Variants in RORA observed in about 807,000 individuals in gnomAD.
RORA encodes nuclear receptor ROR-alpha.
A neutral mutation model predicts 69.5 loss-of-function variants in RORA; 7 were observed. That is an observed-to-expected ratio of 0.10 (90% CI 0.06 to 0.19). RORA has a LOEUF of 0.19. Ranked by LOEUF, RORA falls within the 10% of genes least tolerant of loss-of-function variation. RORA has a pLI of 1.00. For missense variants in RORA, 457 were observed against 663.0 expected (o/e 0.69, Z 3.41); for synonymous variants, 261 against 240.8 (o/e 1.08, Z -0.78).
chr15:61,218,228 AAT>A lies in RORA; in HGVS notation c.166+10823_166+10824del, dbSNP rs1406292947. On this transcript the variant is annotated intron_variant, in intron 1 of 10. Transcript: ENST00000335670. ...GTGTGTACTAGTTCACAATGTAATTAATATGTTTTTCTCATTGTGGATCACGG... is the reference window on the plus strand; with the variant it reads ...GTGTGTACTAGTTCACAATGTAATTAATGTTTTTCTCATTGTGGATCACGG... Among the ~76,000 whole-genome samples, 5 of 150,334 alleles carry A rather than the reference AAT, an allele frequency of 3.3e-5. No individual in the cohort carries two copies. The East Asian group carries it at 9.8e-4, about 29-fold the overall frequency.
chr15:61,042,749 G>A (rs1896842396), intron 1 of RORA, among the ~76,000 whole-genome samples: 1 of 152,158 alleles, frequency 6.6e-6, no homozygotes, highest in Non-Finnish European at 1.5e-5. Context: ...TGCTTCTTTG[G>A]GAATTGCCAG....
rs1401449087 is a variant in RORA, at chr15:60,537,933, A to G, written c.197-6082T>C. 6.6e-6 allele frequency among the ~76,000 whole-genome samples: 1 copy of G among 152,138 alleles called. No individual in the cohort carries two copies. Among genetic ancestry groups the G allele is most frequent in the African/African-American group, 2.4e-5 (1 of 41,414 alleles). Reference sequence around the variant, plus strand: ...AATGCCTGAGTTTTTGCAGAATTCTATATAGTTTTCAAAGTTTTTATCCTT... The same window carrying G: ...AATGCCTGAGTTTTTGCAGAATTCTGTATAGTTTTCAAAGTTTTTATCCTT... On this transcript the variant is annotated intron_variant, in intron 2 of 10. Transcript: ENST00000335670. The surrounding 1 kb of genome is among the most constrained non-coding windows in gnomAD (Gnocchi z 4.9).
intron 1 of RORA, among the ~76,000 whole-genome samples, chr15:60,947,842 T>G (rs1452436467): frequency 6.6e-6 from 1 of 151,434 alleles, no homozygotes; most frequent in African/African-American, 2.4e-5. Context: ...TTGGGAAGAG[T>G]TGCAGCAGTA....
intron 1 of RORA, among the ~76,000 whole-genome samples, chr15:60,828,033 T>G (rs1471378084): frequency 1.3e-5 from 2 of 152,188 alleles, no homozygotes; most frequent in African/African-American, 4.8e-5. Flanking sequence ...CCAACTATGT[T>G]GGACATTTCA....
chr15:60,964,170 T>A lies in RORA; in HGVS notation c.166+264883A>T, dbSNP rs552834782. 3.3e-5 allele frequency among the ~76,000 whole-genome samples: 5 copies of A among 152,362 alleles called. No individual in the cohort carries two copies. In the South Asian group the frequency reaches 1.0e-3, roughly 32 times the overall value. ...GTCTGGTTTCAAGTAGAAGTTCATCTGATTCCTACCCCTGAATGGTTTTCC... is the reference window on the plus strand; with the variant it reads ...GTCTGGTTTCAAGTAGAAGTTCATCAGATTCCTACCCCTGAATGGTTTTCC... On this transcript the variant is annotated intron_variant, in intron 1 of 10. Transcript: ENST00000335670.
At chr15:60,991,538 A>C (rs1280553716) in intron 1 of RORA, among the ~76,000 whole-genome samples, 7 of 138,502 alleles carry the variant, frequency 5.1e-5, no homozygotes, top group Non-Finnish European at 1.1e-4. Flanking sequence ...GTTTTTGTTA[A>C]AAAAATGGCT....
chr15:60,726,569 G>T (rs1300272128), intron 1 of RORA, among the ~76,000 whole-genome samples: 1 of 152,182 alleles, frequency 6.6e-6, no homozygotes, highest in Non-Finnish European at 1.5e-5. Context: ...TGGAAAATCA[G>T]CATCCAATCA....
At chr15:61,090,777 C>T (rs1300600058) in intron 1 of RORA, among the ~76,000 whole-genome samples, 1 of 152,212 alleles carries the variant, frequency 6.6e-6, no homozygotes, top group East Asian at 1.9e-4. Flanking sequence ...CAGTGGTCTC[C>T]AGCTACCATG....
chr15:61,147,793 G>C lies in RORA; in HGVS notation c.166+81260C>G, dbSNP rs2079363368. Among the ~76,000 whole-genome samples, 1 of 151,872 alleles carries C rather than the reference G, an allele frequency of 6.6e-6. No individual in the cohort carries two copies. Among genetic ancestry groups the C allele is most frequent in the African/African-American group, 2.4e-5 (1 of 41,208 alleles). On this transcript the variant is annotated intron_variant, in intron 1 of 10. Transcript: ENST00000335670. The surrounding 1 kb of genome is among the most constrained non-coding windows in gnomAD (Gnocchi z 4.1). ...TGTGTGTGTGTGTGTGTGTGTGTGTGTGAAATCTTTAGGTTTTTTTACCTG... is the reference window on the plus strand; with the variant it reads ...TGTGTGTGTGTGTGTGTGTGTGTGTCTGAAATCTTTAGGTTTTTTTACCTG...
chr15:60,955,524 T>C (rs1893241339), intron 1 of RORA, among the ~76,000 whole-genome samples: 1 of 152,240 alleles, frequency 6.6e-6, no homozygotes, highest in Non-Finnish European at 1.5e-5. Flanking sequence ...TGACTTCATG[T>C]CTTTAAAAAT....
chr15:60,760,930 T>C (rs2071877101), intron 1 of RORA, among the ~76,000 whole-genome samples: 1 of 142,110 alleles, frequency 7.0e-6, no homozygotes, highest in Admixed American at 6.7e-5. Context: ...ATGAGATTGT[T>C]GCTTTTGTAG....
At chr15:61,097,770 A>C (rs976974227) in intron 1 of RORA, among the ~76,000 whole-genome samples, 7 of 149,846 alleles carry the variant, frequency 4.7e-5, no homozygotes, top group African/African-American at 1.8e-4. Context: ...AGGACTAACT[A>C]GTGTTAATTA....
At chr15:60,862,041 G>A (rs2073439855) in intron 1 of RORA, among the ~76,000 whole-genome samples, 1 of 152,216 alleles carries the variant, frequency 6.6e-6, no homozygotes, top group African/African-American at 2.4e-5. Context: ...TTTTATCATG[G>A]CTCCTGCCCA....
At chr15:60,634,230 C>T (rs2069794268) in intron 2 of RORA, among the ~76,000 whole-genome samples, 1 of 152,126 alleles carries the variant, frequency 6.6e-6, no homozygotes, top group Admixed American at 6.5e-5. Flanking sequence ...ACAGCATGCA[C>T]ATTCTCATTA....
intron 1 of RORA, among the ~76,000 whole-genome samples, chr15:60,812,064 A>G (rs2072752146): frequency 6.6e-6 from 1 of 152,186 alleles, no homozygotes; most frequent in African/African-American, 2.4e-5. Context: ...GTTTATAAGC[A>G]TGGCATCTCT....
intron 1 of RORA, among the ~76,000 whole-genome samples, chr15:60,724,494 G>A (rs75200733): frequency 2.6e-5 from 4 of 152,068 alleles, no homozygotes; most frequent in African/African-American, 4.8e-5. Flanking sequence ...CCAGGTGTTC[G>A]GGCTCTCCAG....
chr15:60,503,977 A>G (rs1420919537), intron 6 of RORA, among the ~76,000 whole-genome samples: 1 of 151,922 alleles, frequency 6.6e-6, no homozygotes, highest in Admixed American at 6.6e-5. Flanking sequence ...TAATTTCTGT[A>G]TGTTTAATAG....
chr15:60,779,981 T>G (rs1284171305), intron 1 of RORA, among the ~76,000 whole-genome samples: 2 of 151,858 alleles, frequency 1.3e-5, no homozygotes, highest in East Asian at 1.9e-4. Context: ...CACTTGGGGG[T>G]TTTCAGCAAA....
Position 60,926,412 on chromosome 15 carries a change from C to A in RORA, c.167-247726G>T, listed in dbSNP as rs564812910. ...CCATGGACTCAGCAGTACTTGGAGA[C>A]CGAGTCACTGGGTAGATTATAGAGT... On this transcript the variant is annotated intron_variant, in intron 1 of 10. Transcript: ENST00000335670. 9.2e-5 allele frequency among the ~76,000 whole-genome samples: 14 copies of A among 152,330 alleles called. No individual in the cohort carries two copies. The South Asian group carries it at 2.7e-3, about 29-fold the overall frequency.
Sources: gnomAD v4.1 joint callset for allele counts (sites outside exome capture counted in the v4.1 genomes callset) on GRCh38, gnomAD v4.1.1 for gene constraint, Gnocchi (gnomAD v3.1) non-coding constraint, MANE v1.5 for transcripts, NCBI Gene and HGNC (gene_info 2026-07-23, HGNC 2026-07-21) for gene names.